The following EVI5 variants were observed in gnomAD, a reference collection of about 807,000 sequenced individuals.
The protein encoded by EVI5 is ecotropic viral integration site 5.
In EVI5, 73 loss-of-function variants were observed where a neutral mutation model predicts 112.0. That is an observed-to-expected ratio of 0.65 (90% CI 0.54 to 0.79). The LOEUF (loss-of-function observed/expected upper bound fraction) is 0.79, where lower values mean the gene tolerates loss of function less well. Ranked by LOEUF, EVI5 falls within the 30% of genes least tolerant of loss-of-function variation. The pLI is 0.00. For missense variants in EVI5, 900 were observed against 968.8 expected, an observed-to-expected ratio of 0.93 and a Z score of 0.94; for synonymous variants, 305 against 319.9, an observed-to-expected ratio of 0.95 and a Z score of 0.50.
At chr1:92,743,543 T>C (rs1443070023) in intron 1 of EVI5, among the ~76,000 whole-genome samples, 2 of 152,074 alleles carry the variant, frequency 1.3e-5, no homozygotes, top group Non-Finnish European at 2.9e-5. Context: ...AGTTATTGAT[T>C]AGTGGCCACA....
rs191481131 is a variant in EVI5 at position 92,663,517 on chromosome 1, A to G, written c.1213-65T>C. 11 of 807,096 alleles carry G rather than the reference A, an allele frequency of 1.4e-5. No homozygotes were observed. In the African/African-American group the frequency reaches 1.9e-4, roughly 14 times the overall value. The allele number at this position is 807,096 out of a possible 1,614,324, so 50.0% of individuals were successfully genotyped here. A position where few individuals can be genotyped will look rare whatever the true frequency, so the allele number is the denominator to read the frequency against. On this transcript the variant is annotated intron_variant, in intron 11 of 19. Coordinates refer to ENST00000684568, the MANE Select transcript of EVI5 (RefSeq NM_001350197.2). ...AAATAAAAGTGATAAAATTAGGAAAAAAGAAACAAATATACCCAAATTCCA... is the reference window on the plus strand; with the variant it reads ...AAATAAAAGTGATAAAATTAGGAAAGAAGAAACAAATATACCCAAATTCCA...
In EVI5 at chr1:92,621,431, C is replaced by A. The variant is rs550770480; in HGVS notation, c.1827+2745G>T. Among the ~76,000 whole-genome samples, 3 of 152,330 alleles carry A rather than the reference C, an allele frequency of 2.0e-5. No homozygotes were observed. The East Asian group carries it at 5.8e-4, about 29-fold the overall frequency. On this transcript the variant is annotated intron_variant, in intron 16 of 19. Coordinates refer to ENST00000684568, the MANE Select transcript of EVI5 (RefSeq NM_001350197.2). ...GGTTCAACCGATTCTCCTGCCTCAG[C>A]CTCCCGAATAGCTGGGACTACAGGC...
intron 9 of EVI5, among the ~76,000 whole-genome samples, chr1:92,682,647 C>T (rs959674751): frequency 6.6e-6 from 1 of 152,122 alleles, no homozygotes; most frequent in Non-Finnish European, 1.5e-5. Flanking sequence ...CGCCTCTAGT[C>T]CCAGCTACTC....
At chr1:92,661,303 C>T (rs184793409) in intron 13 of EVI5, among the ~76,000 whole-genome samples, 53 of 152,070 alleles carry the variant, frequency 3.5e-4, no homozygotes, top group African/African-American at 1.3e-3. Flanking sequence ...ACTTTCTAGC[C>T]GTAATATGCT....
intron 13 of EVI5, among the ~76,000 whole-genome samples, chr1:92,652,077 T>C (rs998984740): frequency 1.2e-4 from 18 of 152,118 alleles, no homozygotes; most frequent in African/African-American, 4.3e-4. Flanking sequence ...CCACAATAGC[T>C]AAAAGGCAGA....
At chr1:92,790,021 C>T (rs904875202), upstream of EVI5, among the ~76,000 whole-genome samples, 6 of 152,086 alleles carry the variant, frequency 3.9e-5, no homozygotes, top group African/African-American at 1.4e-4. Flanking sequence ...TACATTTAAA[C>T]TTAAATTAAG....
chr1:92,777,186 C>T lies in EVI5; in HGVS notation c.-82+7650G>A, dbSNP rs570620468. Among the ~76,000 whole-genome samples, 6 of 152,298 alleles carry T rather than the reference C, an allele frequency of 3.9e-5. No individual in the cohort carries two copies. The South Asian group carries it at 1.2e-3, about 32-fold the overall frequency. ...CTCCTGACCTCAGGTGATCCAGCTG[C>T]CTCAGACTCCCAAAGTGCTGGGATT... On this transcript the variant is annotated intron_variant, in intron 1 of 19. Transcript: ENST00000684568.
At chr1:92,652,609 C>T (rs1662324836) in intron 13 of EVI5, among the ~76,000 whole-genome samples, 1 of 152,156 alleles carries the variant, frequency 6.6e-6, no homozygotes, top group African/African-American at 2.4e-5. Context: ...TGCAACACTA[C>T]TCACAAAAGC....
Position 92,776,800 on chromosome 1 carries a change from T to G in EVI5, c.-82+8036A>C, listed in dbSNP as rs147289510. Reference sequence around the variant, plus strand: ...ACAGGTGCACACCACCATAGCCAGCTAACTTTTTTTTTTTTTTTTTTGAGA... The same window carrying G: ...ACAGGTGCACACCACCATAGCCAGCGAACTTTTTTTTTTTTTTTTTTGAGA... On this transcript the variant is annotated intron_variant, in intron 1 of 19. Transcript: ENST00000684568. Among the ~76,000 whole-genome samples the G allele has an allele frequency of 9.0e-3, 1,318 of 145,928 alleles. 7 individuals carry two copies. The highest frequency in any genetic ancestry group is 0.015 in the Non-Finnish European group (987 of 65,760).
At chr1:92,624,474 T>A in intron 15 of EVI5, 140 bp from the exon 16 acceptor site, 1 of 681,736 alleles carries the variant, frequency 1.5e-6, no homozygotes, top group Non-Finnish European at 2.5e-6. Context: ...AAAATCCTAT[T>A]AATCAGGCAC....
At chr1:92,675,777 A>G (rs758508456) in intron 10 of EVI5, among the ~76,000 whole-genome samples, 8 of 152,074 alleles carry the variant, frequency 5.3e-5, no homozygotes, top group Non-Finnish European at 2.9e-5. Flanking sequence ...TAACACGGTG[A>G]AACCCCATCT....
intron 5 of EVI5, among the ~76,000 whole-genome samples, 173 bp from the exon 6 acceptor site, chr1:92,698,158 A>C (rs1248900126): frequency 6.6e-6 from 1 of 152,196 alleles, no homozygotes; most frequent in Non-Finnish European, 1.5e-5. Flanking sequence ...CCATTCTATC[A>C]CCAAGAATGA....
At chr1:92,718,738 A>C (rs1364671061) in intron 2 of EVI5, among the ~76,000 whole-genome samples, 2 of 152,188 alleles carry the variant, frequency 1.3e-5, no homozygotes, top group South Asian at 2.1e-4. Context: ...CCTTCAAAAA[A>C]AATCGGTGAA....
chr1:92,640,376 A>G (rs1272527894), intron 13 of EVI5, among the ~76,000 whole-genome samples: 1 of 152,226 alleles, frequency 6.6e-6, no homozygotes, highest in Non-Finnish European at 1.5e-5. Flanking sequence ...AAGGTCTAAA[A>G]TTCAGAATCT....
chr1:92,589,845 C>A (rs1406409858), intron 18 of EVI5, among the ~76,000 whole-genome samples: 1 of 152,326 alleles, frequency 6.6e-6, no homozygotes, highest in East Asian at 1.9e-4. Context: ...CCCTGAGTAG[C>A]CTAACTGAGA....
intron 1 of EVI5, among the ~76,000 whole-genome samples, chr1:92,760,940 C>T (rs1681749140): frequency 6.6e-6 from 1 of 151,216 alleles, no homozygotes; most frequent in African/African-American, 2.4e-5. Context: ...CGCCTGTAGT[C>T]CCAGCTACTC....
chr1:92,675,014 GA>G (rs1462090194), intron 10 of EVI5, among the ~76,000 whole-genome samples: 36 of 152,306 alleles, frequency 2.4e-4, no homozygotes, highest in African/African-American at 7.2e-4. Context: ...TCAGGCATAT[GA>G]ACTATATATT....
intron 2 of EVI5, among the ~76,000 whole-genome samples, chr1:92,730,572 C>T (rs1210182570): frequency 6.7e-6 from 1 of 149,966 alleles, no homozygotes; most frequent in African/African-American, 2.5e-5. Flanking sequence ...ATTCTAGCTA[C>T]TCAGGAGGCT....
intron 1 of EVI5, among the ~76,000 whole-genome samples, chr1:92,771,517 T>G (rs1262406658): frequency 6.6e-6 from 1 of 152,068 alleles, no homozygotes; most frequent in Admixed American, 6.5e-5. Flanking sequence ...ATATCAAGTC[T>G]AAGGATTCCA....
Sources: allele counts gnomAD v4.1 joint callset (sites outside exome capture counted in the v4.1 genomes callset), GRCh38; gene constraint gnomAD v4.1.1; transcripts MANE v1.5; gene names NCBI Gene and HGNC (gene_info 2026-07-23, HGNC 2026-07-21).